ZC3H7B: variants seen among roughly 807,000 people sequenced by gnomAD.
ZC3H7B encodes the protein zinc finger CCCH-type containing 7B.
Under a neutral mutation model 116.0 loss-of-function variants are expected in ZC3H7B, and 35 were observed. The ratio of observed to expected loss-of-function variants is 0.30; its 90% CI spans 0.23 to 0.40. The LOEUF (loss-of-function observed/expected upper bound fraction) is 0.40, where lower values mean the gene tolerates loss of function less well. Among genes scored for constraint, ZC3H7B ranks in the 10% least tolerant of loss-of-function variants. The pLI is 1.00. For synonymous variants in ZC3H7B, 502 were observed against 545.6 expected (o/e 0.92, Z 1.11); for missense variants, 1,011 against 1,321.5 (o/e 0.77, Z 3.64).
intron 7 of ZC3H7B, chr22:41,335,772 T>G (rs1301679688): frequency 6.5e-6 from 1 of 152,728 alleles, no homozygotes; most frequent in East Asian, 1.9e-4. Flanking sequence ...AGTGTACAGT[T>G]CCAGGGGACA....
At position 41,339,894 on chromosome 22, in the gene ZC3H7B, A is replaced by G. The variant is rs1601785903; in HGVS notation, c.895A>G (p.Thr299Ala). ...PQLIPVFPGG[T>A]PLLPPVVGGS... is the part of the protein sequence containing the mutation. ...GCTGATACCCGTGTTCCCCGGCGGG[A>G]CCCCACTGCTACCACCTGTGGTGGG... The change falls in exon 10 of 23, where the codon ACC (threonine) becomes GCC (alanine). Residue 299 changes from threonine to alanine, a missense_variant. Physicochemically the swap from Thr to Ala is moderately conservative, Grantham distance 58. Coordinates refer to ENST00000352645, the MANE Select transcript of ZC3H7B (RefSeq NM_017590.6). 3 of 1,613,114 alleles carry G rather than the reference A, an allele frequency of 1.9e-6. No individual in the cohort carries two copies. The highest frequency in any genetic ancestry group is 4.5e-5 in the East Asian group (2 of 44,800).
In ZC3H7B at chr22:41,309,291, T is replaced by C. The variant is rs570468918; in HGVS notation, c.-7+7519T>C. On this transcript the variant is annotated intron_variant, in intron 1 of 22. Transcript: ENST00000352645. ...TCCCAAAGTGCTGGGATTACAGGCGTGAGCCACCGCGCCCGGCCTGCTTTC... is the reference window on the plus strand; with the variant it reads ...TCCCAAAGTGCTGGGATTACAGGCGCGAGCCACCGCGCCCGGCCTGCTTTC... Among the ~76,000 whole-genome samples the C allele has an allele frequency of 2.6e-5, 4 of 151,014 alleles. No homozygotes were observed. The South Asian group carries it at 8.4e-4, about 32-fold the overall frequency.
chr22:41,311,670 C>G (rs2097606280), intron 1 of ZC3H7B, among the ~76,000 whole-genome samples: 1 of 151,902 alleles, frequency 6.6e-6, no homozygotes, highest in South Asian at 2.1e-4. Context: ...GTGGGCCTGG[C>G]AGGAGGAAGA....
intron 7 of ZC3H7B, chr22:41,333,906 C>G (rs1034998671): frequency 1.3e-5 from 2 of 152,234 alleles, no homozygotes; most frequent in African/African-American, 4.8e-5. Flanking sequence ...ACTGGGAGCC[C>G]TGATTTAGAC....
chr22:41,320,142 G>T (rs1261044037), intron 1 of ZC3H7B, among the ~76,000 whole-genome samples: 1 of 151,870 alleles, frequency 6.6e-6, no homozygotes, highest in Non-Finnish European at 1.5e-5. Context: ...AGACCAGCCT[G>T]GTCAACATGG....
chr22:41,310,889 C>T (rs933058332), intron 1 of ZC3H7B, among the ~76,000 whole-genome samples: 4 of 151,864 alleles, frequency 2.6e-5, no homozygotes, highest in Non-Finnish European at 4.4e-5. Context: ...CTCAGCCTCC[C>T]GAGTAGCTGG....
intron 1 of ZC3H7B, among the ~76,000 whole-genome samples, chr22:41,319,842 A>G (rs759360964): frequency 4.0e-5 from 6 of 151,606 alleles, no homozygotes; most frequent in Non-Finnish European, 8.9e-5. Flanking sequence ...CAGCCTGGCC[A>G]ACATAATGAA....
rs2036227580 is a variant in ZC3H7B, at chr22:41,319,512, G to A, written c.-6-1143G>A. Among the ~76,000 whole-genome samples the A allele has an allele frequency of 2.7e-5, 4 of 150,666 alleles. No homozygotes were observed. In the South Asian group the frequency reaches 8.4e-4, roughly 32 times the overall value. On this transcript the variant is annotated intron_variant, in intron 1 of 22. Transcript: ENST00000352645. ...TTGAAACCGGGAGGTGGAGGTTGGA[G>A]TGGGCTGAGATCACACCACTGCACT... is the stretch of plus-strand genomic sequence containing the variant.
At chr22:41,340,821 G>A (rs1025607085) in intron 10 of ZC3H7B, among the ~76,000 whole-genome samples, 40 of 152,170 alleles carry the variant, frequency 2.6e-4, no homozygotes, top group African/African-American at 9.2e-4. Context: ...GAGGACCTGG[G>A]AGCAAGCTAA....
chr22:41,345,966 C>T (rs201350442), intron 13 of ZC3H7B, 37 bp from the exon 14 acceptor site: 36 of 1,611,026 alleles, frequency 2.2e-5, no homozygotes, highest in Admixed American at 1.8e-4. Context: ...CTGCTATCCC[C>T]GCCTGGCGGA....
chr22:41,302,868 G>A lies in ZC3H7B; in HGVS notation c.-7+1096G>A, dbSNP rs2035990315. On this transcript the variant is annotated intron_variant, in intron 1 of 22. Transcript: ENST00000352645. The surrounding 1 kb of genome is among the most constrained non-coding windows in gnomAD (Gnocchi z 5.7). ...CTCTAAAAGGGGGCTGGGCCTGAGT[G>A]GGGAGCTGGTGATCAGCGGTTTTAT... is the stretch of plus-strand genomic sequence containing the variant. Among the ~76,000 whole-genome samples, 3 of 152,186 alleles carry A rather than the reference G, an allele frequency of 2.0e-5. No individual in the cohort carries two copies. The highest frequency in any genetic ancestry group is 2.0e-4 in the Admixed American group (3 of 15,276).
At chr22:41,310,450 G>A (rs2036103114) in intron 1 of ZC3H7B, among the ~76,000 whole-genome samples, 1 of 152,104 alleles carries the variant, frequency 6.6e-6, no homozygotes, top group South Asian at 2.1e-4. Flanking sequence ...CAGGGCTGGT[G>A]GATTGCATGG....
intron 17 of ZC3H7B, among the ~76,000 whole-genome samples, chr22:41,353,431 G>T (rs1257244947): frequency 6.6e-6 from 1 of 152,252 alleles, no homozygotes; most frequent in Non-Finnish European, 1.5e-5. Context: ...TGGGTGTGAG[G>T]CTCACAGGAG....
chr22:41,305,227 C>A (rs1452510412), intron 1 of ZC3H7B, among the ~76,000 whole-genome samples: 1 of 152,022 alleles, frequency 6.6e-6, no homozygotes, highest in African/African-American at 2.4e-5. Context: ...TACCTGTAAT[C>A]GCAGCTACTT....
intron 1 of ZC3H7B, among the ~76,000 whole-genome samples, chr22:41,315,567 G>T (rs190190349): frequency 1.3e-5 from 2 of 152,224 alleles, no homozygotes; most frequent in African/African-American, 4.8e-5. Flanking sequence ...CATAGACTGA[G>T]TGGCTTAAAC....
At chr22:41,343,737 T>A (rs2036551913) in intron 13 of ZC3H7B, among the ~76,000 whole-genome samples, 161 bp downstream of exon 13, 2 of 152,302 alleles carry the variant, frequency 1.3e-5, no homozygotes, top group East Asian at 3.9e-4. Flanking sequence ...CCGTGCAGGA[T>A]GAATTCCACA....
intron 16 of ZC3H7B, among the ~76,000 whole-genome samples, chr22:41,350,677 A>G (rs2036644510): frequency 6.6e-6 from 1 of 152,212 alleles, no homozygotes; most frequent in Non-Finnish European, 1.5e-5. Flanking sequence ...TAAGAGGAGC[A>G]GCTCAGGCTC....
chr22:41,332,523 G>A, intron 7 of ZC3H7B: 1 of 388,750 alleles, frequency 2.6e-6, no homozygotes, highest in Non-Finnish European at 4.7e-6. Context: ...CACATTTCCT[G>A]CTGTGTTGCC....
intron 1 of ZC3H7B, among the ~76,000 whole-genome samples, chr22:41,307,628 C>T (rs1014945193): frequency 1.3e-5 from 2 of 152,130 alleles, no homozygotes; most frequent in African/African-American, 2.4e-5. Flanking sequence ...CACATAACAC[C>T]CATATAACAG....
Sources: gnomAD v4.1 joint callset for allele counts (sites outside exome capture counted in the v4.1 genomes callset) on GRCh38, gnomAD v4.1.1 for gene constraint, Gnocchi (gnomAD v3.1) non-coding constraint, MANE v1.5 for transcripts, NCBI Gene and HGNC (gene_info 2026-07-23, HGNC 2026-07-21) for gene names.